Variants in ITGA1 observed in about 807,000 individuals in gnomAD.
The protein encoded by ITGA1 is integrin subunit alpha 1.
Under a neutral mutation model 145.9 loss-of-function variants are expected in ITGA1, and 85 were observed. The observed-to-expected ratio is 0.58, with a 90% CI of 0.49 to 0.70. ITGA1 has a LOEUF of 0.70. Among genes scored for constraint, ITGA1 ranks in the 30% least tolerant of loss-of-function variants. The probability of loss-of-function intolerance (pLI) is 0.00; values close to 1 mark genes in which losing one functional copy is unlikely to be tolerated. For synonymous variants in ITGA1, 520 were observed against 495.3 expected (o/e 1.05, Z -0.66); for missense variants, 1,351 against 1,418.7 (o/e 0.95, Z 0.77).
intron 26 of ITGA1, among the ~76,000 whole-genome samples, 194 bp downstream of exon 26, chr5:52,940,138 T>TA (rs1751032595): frequency 6.6e-6 from 1 of 152,202 alleles, no homozygotes; most frequent in African/African-American, 2.4e-5. Context: ...AGAACTAAGA[T>TA]ATTACCAAGG....
At chr5:52,930,053 G>T (rs1750872388) in intron 21 of ITGA1, among the ~76,000 whole-genome samples, 1 of 152,140 alleles carries the variant, frequency 6.6e-6, no homozygotes, top group South Asian at 2.1e-4. Flanking sequence ...AAGGTCAAAT[G>T]AATCATTAGA....
intron 14 of ITGA1, among the ~76,000 whole-genome samples, chr5:52,911,890 G>T (rs575464656): frequency 1.7e-5 from 2 of 117,274 alleles, no homozygotes; most frequent in South Asian, 2.8e-4. Flanking sequence ...ACTATATATA[G>T]CATATCTAAT....
chr5:52,827,023 T>C (rs1748978079), intron 1 of ITGA1, among the ~76,000 whole-genome samples: 1 of 152,056 alleles, frequency 6.6e-6, no homozygotes, highest in Non-Finnish European at 1.5e-5. Context: ...ATTCCTCTGA[T>C]GGATCTAGGA....
At chr5:52,905,299 T>C (rs372349289) in intron 11 of ITGA1, 2 of 152,432 alleles carry the variant, frequency 1.3e-5, no homozygotes, top group African/African-American at 2.4e-5. Context: ...TCTTTATGCT[T>C]TAACCAAGAG....
chr5:52,915,526 A>G lies in ITGA1; in HGVS notation c.1920A>G (p.Glu640=), dbSNP rs1750630895. 2 of 1,613,898 alleles carry G rather than the reference A, an allele frequency of 1.2e-6. No homozygotes were observed. The highest frequency in any genetic ancestry group is 2.7e-5 in the African/African-American group (2 of 74,888). Reference sequence around the variant, plus strand: ...TTTTTGGCCAGTCTATCCACGGAGAAATGGATTTAAATGGTGACGGTCTGA... The same window carrying G: ...TTTTTGGCCAGTCTATCCACGGAGAGATGGATTTAAATGGTGACGGTCTGA... The part of the protein sequence containing the change: ...LKFFGQSIHG[E]MDLNGDGLTD... The change falls in exon 15 of 29, where the codon GAA becomes GAG. Residue 640 remains glutamate (E), a synonymous_variant. Transcript: ENST00000282588.
chr5:52,840,767 C>T (rs1749243173), intron 1 of ITGA1, among the ~76,000 whole-genome samples: 1 of 152,162 alleles, frequency 6.6e-6, no homozygotes, highest in South Asian at 2.1e-4. Context: ...TTCTGGGTAG[C>T]ACTTATAAAA....
chr5:52,893,854 T>A lies in ITGA1; in HGVS notation c.1090+14T>A, dbSNP rs752307583. The stretch of plus-strand genomic sequence containing the variant: ...TTGCCCTGGAAGGTATGTCTATTTA[T>A]CTTATTGCTGCATGTTCTCTCTGCA... On this transcript the variant is annotated intron_variant, in intron 9 of 28. Transcript: ENST00000282588. 1.3e-6 allele frequency: 2 copies of A among 1,592,128 alleles called. No homozygotes were observed. Among genetic ancestry groups the A allele is most frequent in the Admixed American group, 1.7e-5 (1 of 58,636 alleles).
intron 1 of ITGA1, among the ~76,000 whole-genome samples, chr5:52,836,455 T>G (rs896688222): frequency 2.6e-5 from 4 of 152,188 alleles, no homozygotes; most frequent in Non-Finnish European, 2.9e-5. Context: ...TAGTGCCAAT[T>G]TGATTTCCAA....
intron 15 of ITGA1, among the ~76,000 whole-genome samples, chr5:52,916,425 GGA>G (rs1176346561): frequency 6.6e-6 from 1 of 152,030 alleles, no homozygotes; most frequent in African/African-American, 2.4e-5. Flanking sequence ...TAATTCGGGT[GGA>G]AACATACATC....
intron 28 of ITGA1, among the ~76,000 whole-genome samples, chr5:52,950,051 A>T (rs1418279714): frequency 6.6e-6 from 1 of 152,214 alleles, no homozygotes; most frequent in Non-Finnish European, 1.5e-5. Flanking sequence ...TGTCTTCATC[A>T]TACACATGGC....
chr5:52,864,881 C>T, intron 4 of ITGA1, 30 bp downstream of exon 4: 1 of 1,544,994 alleles, frequency 6.5e-7, no homozygotes, highest in Non-Finnish European at 8.9e-7. Context: ...TATTTATTGA[C>T]AACAGATATG....
chr5:52,949,123 G>A (rs1042429729), intron 28 of ITGA1, among the ~76,000 whole-genome samples: 4 of 152,094 alleles, frequency 2.6e-5, no homozygotes, highest in African/African-American at 9.7e-5. Context: ...GGTAGAAATA[G>A]TTCAGCCACT....
At chr5:52,837,511 T>A (rs893373890) in intron 1 of ITGA1, among the ~76,000 whole-genome samples, 1 of 152,144 alleles carries the variant, frequency 6.6e-6, no homozygotes, top group African/African-American at 2.4e-5. Flanking sequence ...TTAGACCCTA[T>A]TTTTTCCTCC....
At chr5:52,860,635 C>A (rs749021739) in intron 2 of ITGA1, among the ~76,000 whole-genome samples, 1 of 152,210 alleles carries the variant, frequency 6.6e-6, no homozygotes, top group Admixed American at 6.5e-5. Flanking sequence ...TAATTAAGTC[C>A]TTTGATTGCT....
At chr5:52,794,676 CA>C (rs1002732297) in intron 1 of ITGA1, among the ~76,000 whole-genome samples, 1 of 150,300 alleles carries the variant, frequency 6.7e-6, no homozygotes, top group Admixed American at 6.6e-5. Context: ...ATAAAACAAA[CA>C]AAAAAAACCA....
chr5:52,933,947 T>C lies in ITGA1; in HGVS notation c.2915T>C (p.Val972Ala). 1.3e-6 allele frequency: 2 copies of C among 1,532,298 alleles called. No homozygotes were observed. The highest frequency in any genetic ancestry group is 1.8e-6 in the Non-Finnish European group (2 of 1,133,900). The allele number at this position is 1,532,298 out of a possible 1,614,324, so 94.9% of individuals were successfully genotyped here. Residue 972 changes from valine to alanine, a missense_variant, in exon 23 of 29, where the codon GTT becomes GCT. Transcript: ENST00000282588. ...SIAANETVPEVINSTEDIGNE... is the reference protein window; with the variant it reads ...SIAANETVPEAINSTEDIGNE... ...GCTGCCAATGAGACAGTCCCTGAAG[T>C]TATTAATTCTACTGAGGACATTGGA...
Position 52,920,392 on chromosome 5 carries a change from G to A in ITGA1, c.2216G>A (p.Gly739Glu). Residue 739 changes from glycine (G) to glutamate (E), a missense_variant, in exon 17 of 29, where the codon GGA becomes GAA. Physicochemically the swap from Gly to Glu is moderately conservative, Grantham distance 98. Coordinates refer to ENST00000282588, the MANE Select transcript of ITGA1 (RefSeq NM_181501.2). ...CAAATATCACGAAGTTTTTTCTCTG[G>A]AACTCAAGAGAGAAAGGTTCAAAGG... Reference protein sequence around the residue: ...LRQISRSFFSGTQERKVQRNI... With the variant: ...LRQISRSFFSETQERKVQRNI... 1 of 1,611,766 alleles carries A rather than the reference G, an allele frequency of 6.2e-7. No individual in the cohort carries two copies. The highest frequency in any genetic ancestry group is 8.5e-7 in the Non-Finnish European group (1 of 1,178,856).
chr5:52,822,532 C>G (rs769345534), intron 1 of ITGA1, among the ~76,000 whole-genome samples: 1 of 152,150 alleles, frequency 6.6e-6, no homozygotes, highest in Admixed American at 6.6e-5. Context: ...GCTGAGTATC[C>G]GGACTGCTCT....
chr5:52,913,278 A>G (rs1206490807), intron 14 of ITGA1, among the ~76,000 whole-genome samples: 1 of 152,188 alleles, frequency 6.6e-6, no homozygotes, highest in Non-Finnish European at 1.5e-5. Context: ...AGGAAATTAG[A>G]TTCTTGATTT....
Sources: gnomAD v4.1 joint callset for allele counts (sites outside exome capture counted in the v4.1 genomes callset) on GRCh38, gnomAD v4.1.1 for gene constraint, MANE v1.5 for transcripts, NCBI Gene and HGNC (gene_info 2026-07-23, HGNC 2026-07-21) for gene names.